The following CD99L2 variants were observed in gnomAD, a reference collection of about 807,000 sequenced individuals.
CD99L2 encodes the protein CD99 molecule like 2, also known as CD99 antigen-like protein 2.
CD99L2 carries 24 observed loss-of-function variants against 27.3 expected under a neutral mutation model. That is an observed-to-expected ratio of 0.88 (90% CI 0.64 to 1.24). The LOEUF is 1.24. CD99L2 is among the 50% of genes most tolerant of loss of function. The pLI is 0.00. For missense variants in CD99L2, 255 were observed against 221.6 expected (o/e 1.15, Z -0.96); for synonymous variants, 97 against 87.9 (o/e 1.10, Z -0.58).
chrX:150,819,587 A>T (rs976193688), intron 2 of CD99L2, among the ~76,000 whole-genome samples: 12 of 112,076 alleles, frequency 1.1e-4, no homozygotes, highest in Middle Eastern at 4.6e-3. Context: ...AGATCTCTTA[A>T]GATCAACAAA....
At chrX:150,836,473 G>A (rs922314351) in intron 1 of CD99L2, among the ~76,000 whole-genome samples, 1 of 110,841 alleles carries the variant, frequency 9.0e-6, no homozygotes, top group Non-Finnish European at 1.9e-5. Flanking sequence ...GATTACAGGC[G>A]TCTGCCACCA....
At chrX:150,813,801 A>T (rs1362903871) in intron 4 of CD99L2, among the ~76,000 whole-genome samples, 7 of 112,183 alleles carry the variant, frequency 6.2e-5, no homozygotes, top group African/African-American at 2.3e-4. Context: ...TGAATTGAAG[A>T]GTAATTAATC....
At chrX:150,823,132 G>A (rs782771976) in intron 2 of CD99L2, among the ~76,000 whole-genome samples, 24 of 112,342 alleles carry the variant, frequency 2.1e-4, no homozygotes, top group African/African-American at 7.4e-4. Context: ...GCTGAACTAT[G>A]AGTCAATTAA....
intron 1 of CD99L2, among the ~76,000 whole-genome samples, chrX:150,831,913 T>C (rs1557421076): frequency 1.8e-5 from 2 of 111,748 alleles, no homozygotes; most frequent in African/African-American, 6.5e-5. Context: ...CAAATATTAA[T>C]AAATCTAAAG....
chrX:150,892,993 G>A (rs1008293094), intron 1 of CD99L2, among the ~76,000 whole-genome samples: 5 of 111,141 alleles, frequency 4.5e-5, no homozygotes, highest in Non-Finnish European at 1.9e-5. Context: ...GTGTGATGGC[G>A]GACTCCTGTA....
intron 6 of CD99L2, among the ~76,000 whole-genome samples, chrX:150,794,114 T>A (rs1486912294): frequency 8.9e-6 from 1 of 111,814 alleles, no homozygotes; most frequent in African/African-American, 3.3e-5. Flanking sequence ...CTTAATCAGG[T>A]GACATCCTCA....
chrX:150,779,210 T>G (rs1391948232), intron 7 of CD99L2, among the ~76,000 whole-genome samples: 1 of 111,989 alleles, frequency 8.9e-6, no homozygotes, highest in Non-Finnish European at 1.9e-5. Flanking sequence ...CCCTTCCTAA[T>G]TTCCCCCCAG....
intron 1 of CD99L2, among the ~76,000 whole-genome samples, chrX:150,871,554 A>C: frequency 8.9e-6 from 1 of 112,135 alleles, no homozygotes; most frequent in Admixed American, 9.5e-5. Flanking sequence ...AAAATGGTAC[A>C]ACCACTTTGG....
intron 7 of CD99L2, among the ~76,000 whole-genome samples, chrX:150,783,615 C>T (rs1429347684): frequency 2.7e-5 from 3 of 111,684 alleles, no homozygotes; most frequent in East Asian, 2.8e-4. Flanking sequence ...CAATTTGATT[C>T]GAACATTTTC....
intron 7 of CD99L2, among the ~76,000 whole-genome samples, chrX:150,789,040 C>T (rs2045642297): frequency 9.1e-6 from 1 of 109,785 alleles, no homozygotes; most frequent in Non-Finnish European, 1.9e-5. Flanking sequence ...TTATATTCTT[C>T]TTTGGTGAAG....
intron 4 of CD99L2, among the ~76,000 whole-genome samples, chrX:150,809,337 C>T (rs2046040957): frequency 8.9e-6 from 1 of 111,925 alleles, no homozygotes; most frequent in East Asian, 2.8e-4. Flanking sequence ...GAATTGCAAC[C>T]TTGTATAAGA....
intron 4 of CD99L2, among the ~76,000 whole-genome samples, chrX:150,809,503 A>G (rs2046043357): frequency 8.9e-6 from 1 of 112,555 alleles, no homozygotes; most frequent in African/African-American, 3.2e-5. Context: ...ATTTTATTAG[A>G]GCTCAACCAT....
chrX:150,769,231 C>T lies in CD99L2; in HGVS notation c.722-130G>A, dbSNP rs968409387. The T allele has an allele frequency of 5.3e-5, 39 of 742,775 alleles. No homozygotes were observed. The African/African-American group carries it at 8.1e-4, about 16-fold the overall frequency. 61.2% of individuals were successfully genotyped at this position (742,775 alleles called of 1,213,427 possible). On this transcript the variant is annotated intron_variant, in intron 10 of 10. Coordinates refer to ENST00000370377, the MANE Select transcript of CD99L2 (RefSeq NM_031462.4). ...TATCCCCTGGGGGGCCGCTTAGCAA[C>T]CTTCCCTCCTGAGCCTGGGAGCAGT...
chrX:150,772,646 C>G (rs2043481099), intron 9 of CD99L2, among the ~76,000 whole-genome samples: 1 of 112,876 alleles, frequency 8.9e-6, no homozygotes, highest in Non-Finnish European at 1.9e-5. Context: ...GTGGAGGAGA[C>G]TGCACAGGCA....
chrX:150,884,385 T>C (rs921825130), intron 1 of CD99L2, among the ~76,000 whole-genome samples: 3 of 111,740 alleles, frequency 2.7e-5, no homozygotes, highest in African/African-American at 9.8e-5. Context: ...AGGATTAATA[T>C]ATAAGTAGTT....
chrX:150,777,561 C>T (rs1188667553), intron 7 of CD99L2, 79 bp from the exon 8 acceptor site: 1 of 1,023,265 alleles, frequency 9.8e-7, no homozygotes, highest in Non-Finnish European at 1.3e-6. Context: ...AGACGGATGG[C>T]AGTGCTGGCC....
At chrX:150,898,221 A>G (rs1159768052) in intron 1 of CD99L2, among the ~76,000 whole-genome samples, 2 of 111,952 alleles carry the variant, frequency 1.8e-5, no homozygotes, top group Non-Finnish European at 3.8e-5. Flanking sequence ...TCTTGGGGAC[A>G]GCTGTTGTCA....
At chrX:150,784,370 C>T (rs2045562214) in intron 7 of CD99L2, among the ~76,000 whole-genome samples, 1 of 111,264 alleles carries the variant, frequency 9.0e-6, no homozygotes, top group South Asian at 3.8e-4. Flanking sequence ...AGTACAGCAG[C>T]ACCCTCAAGA....
chrX:150,885,563 C>T (rs1465179656), intron 1 of CD99L2, among the ~76,000 whole-genome samples: 1 of 112,053 alleles, frequency 8.9e-6, no homozygotes, highest in African/African-American at 3.2e-5. Context: ...GTGGTTATCC[C>T]TAGGTAACGA....
Sources: allele counts gnomAD v4.1 joint callset (sites outside exome capture counted in the v4.1 genomes callset), GRCh38; gene constraint gnomAD v4.1.1; transcripts MANE v1.5; gene names NCBI Gene and HGNC (gene_info 2026-07-23, HGNC 2026-07-21).